Variants in CAMTA1 observed in about 807,000 individuals in gnomAD.
The protein encoded by CAMTA1 is calmodulin-binding transcription activator 1.
In CAMTA1, 27 loss-of-function variants were observed where a neutral mutation model predicts 170.9. That is an observed-to-expected ratio of 0.16 (90% CI 0.12 to 0.22). The LOEUF is 0.22. CAMTA1 is among the 10% of genes least tolerant of loss of function. CAMTA1 has a pLI of 1.00. For synonymous variants in CAMTA1, 833 were observed against 891.5 expected, an observed-to-expected ratio of 0.93 and a Z score of 1.17; for missense variants, 1,619 against 2,217.2, an observed-to-expected ratio of 0.73 and a Z score of 5.42.
chr1:6,989,247 C>T (rs1256187194), intron 3 of CAMTA1, among the ~76,000 whole-genome samples: 1 of 152,222 alleles, frequency 6.6e-6, no homozygotes, highest in Non-Finnish European at 1.5e-5. Context: ...AGGAGTGCCA[C>T]ACTCGATAAG....
intron 1 of CAMTA1, among the ~76,000 whole-genome samples, chr1:6,808,862 A>G (rs1030932908): frequency 3.3e-5 from 5 of 152,128 alleles, no homozygotes; most frequent in African/African-American, 9.7e-5. Flanking sequence ...TCACACACAC[A>G]TGCAATTTTG....
chr1:6,985,378 G>T (rs902344672), intron 3 of CAMTA1, among the ~76,000 whole-genome samples: 1 of 152,218 alleles, frequency 6.6e-6, no homozygotes, highest in African/African-American at 2.4e-5. Flanking sequence ...AAGAGGCAAT[G>T]TGCTGCCATT....
intron 6 of CAMTA1, among the ~76,000 whole-genome samples, chr1:7,479,536 C>T (rs1035949437): frequency 6.6e-6 from 1 of 152,178 alleles, no homozygotes. Flanking sequence ...GCTGTCCTCT[C>T]ACTCCACCTG....
At chr1:7,690,588 G>A (rs575059873) in intron 11 of CAMTA1, among the ~76,000 whole-genome samples, 16 of 152,226 alleles carry the variant, frequency 1.1e-4, no homozygotes, top group African/African-American at 3.6e-4. Flanking sequence ...CACCAGGATT[G>A]TTTCTTTCAG....
rs568705104 is a variant in CAMTA1 at position 7,426,476 on chromosome 1, C to T, written c.439-41354C>T. Among the ~76,000 whole-genome samples the T allele has an allele frequency of 6.6e-6, 1 of 152,202 alleles. No homozygotes were observed. Among genetic ancestry groups the T allele is most frequent in the East Asian group, 1.9e-4 (1 of 5,188 alleles). On this transcript the variant is annotated intron_variant, in intron 5 of 22. Coordinates refer to ENST00000303635, the MANE Select transcript of CAMTA1 (RefSeq NM_015215.4). This position sits in a 1 kb window ranked among gnomAD's most constrained non-coding sequence, Gnocchi z 4.8. ...TTAATACTAAATAACTGCATCGATT[C>T]GATTGATACTACTTGTTAGATCAAG...
intron 6 of CAMTA1, among the ~76,000 whole-genome samples, chr1:7,506,519 A>G (rs1055028707): frequency 6.6e-6 from 1 of 151,972 alleles, no homozygotes; most frequent in South Asian, 2.1e-4. Context: ...AATTCACACT[A>G]ACATCTCATA....
chr1:7,641,093 C>T lies in CAMTA1; in HGVS notation c.664+540C>T, dbSNP rs960596962. 1.3e-5 allele frequency among the ~76,000 whole-genome samples: 2 copies of T among 152,194 alleles called. No individual in the cohort carries two copies. The highest frequency in any genetic ancestry group is 2.9e-5 in the Non-Finnish European group (2 of 68,024). ...TGCTTTCTGAAGCATCTGTCAGGTG[C>T]AAATCACAGAATGCAAAACACCGAG... is the stretch of plus-strand genomic sequence containing the variant. On this transcript the variant is annotated intron_variant, in intron 7 of 22. Coordinates refer to ENST00000303635, the MANE Select transcript of CAMTA1 (RefSeq NM_015215.4). This position sits in a 1 kb window ranked among gnomAD's most constrained non-coding sequence, Gnocchi z 4.5.
intron 5 of CAMTA1, among the ~76,000 whole-genome samples, chr1:7,441,736 G>A (rs1213742639): frequency 6.6e-6 from 1 of 152,136 alleles, no homozygotes; most frequent in East Asian, 1.9e-4. Context: ...CTGCCAAAGG[G>A]GACGGCTGGC....
At chr1:6,938,490 T>C (rs538840486) in intron 3 of CAMTA1, among the ~76,000 whole-genome samples, 2 of 152,218 alleles carry the variant, frequency 1.3e-5, no homozygotes, top group Admixed American at 1.3e-4. Context: ...AGGGGAGGGA[T>C]GCGTCTGGGG....
intron 5 of CAMTA1, among the ~76,000 whole-genome samples, chr1:7,428,376 C>T (rs2091976328): frequency 1.3e-5 from 2 of 152,004 alleles, no homozygotes; most frequent in African/African-American, 2.4e-5. Flanking sequence ...GGTGGGGGCT[C>T]TGAAGGAAGG....
intron 6 of CAMTA1, among the ~76,000 whole-genome samples, chr1:7,512,438 G>A (rs953809789): frequency 6.6e-6 from 1 of 152,216 alleles, no homozygotes; most frequent in South Asian, 2.1e-4. Context: ...AACACTGCTC[G>A]GTAACAAACA....
intron 3 of CAMTA1, among the ~76,000 whole-genome samples, chr1:6,854,726 A>G (rs35235175): frequency 0.066 from 10,063 of 152,308 alleles, 380 homozygotes; most frequent in Middle Eastern, 0.099. Flanking sequence ...ATTGATCAGT[A>G]TAAATCACTA....
chr1:7,164,509 A>T (rs1200400423), intron 4 of CAMTA1, among the ~76,000 whole-genome samples: 1 of 152,186 alleles, frequency 6.6e-6, no homozygotes, highest in African/African-American at 2.4e-5. Flanking sequence ...CTTTATTCCA[A>T]AGCTGTGGCA....
rs547455142 is a variant in CAMTA1, at chr1:7,167,741, G to GTTAA, written c.302+76389_302+76392dup. 3.4e-3 allele frequency among the ~76,000 whole-genome samples: 518 copies of GTTAA among 151,906 alleles called. 2 individuals are homozygous for GTTAA. Among genetic ancestry groups the GTTAA allele is most frequent in the African/African-American group, 0.011 (463 of 41,404 alleles). On this transcript the variant is annotated intron_variant, in intron 4 of 22. Coordinates refer to ENST00000303635, the MANE Select transcript of CAMTA1 (RefSeq NM_015215.4). The stretch of plus-strand genomic sequence containing the variant: ...TGAGTCTTCTTTTTTAAATTAATTG[G>GTTAA]TTAATTAATTAATTAATTAATTTTA...
chr1:7,564,945 G>A (rs1389659259), intron 6 of CAMTA1, among the ~76,000 whole-genome samples: 1 of 151,924 alleles, frequency 6.6e-6, no homozygotes, highest in Non-Finnish European at 1.5e-5. Flanking sequence ...GAGAAGGAGA[G>A]AGAGAAGCAA....
At chr1:7,490,631 G>C (rs997317536) in intron 6 of CAMTA1, among the ~76,000 whole-genome samples, 1 of 148,930 alleles carries the variant, frequency 6.7e-6, no homozygotes, top group Non-Finnish European at 1.5e-5. Flanking sequence ...CAGCCTGGGT[G>C]ACGAGAGCGA....
At chr1:7,055,998 C>G (rs1037002152) in intron 3 of CAMTA1, among the ~76,000 whole-genome samples, 1 of 152,224 alleles carries the variant, frequency 6.6e-6, no homozygotes, top group African/African-American at 2.4e-5. Context: ...TCACCTGCCC[C>G]TTCCTCTGCA....
Position 7,048,055 on chromosome 1 carries a change from G to A in CAMTA1, c.235-43249G>A, listed in dbSNP as rs1379889310. Among the ~76,000 whole-genome samples, 3 of 152,172 alleles carry A rather than the reference G, an allele frequency of 2.0e-5. 1 individual carries two copies. The South Asian group carries it at 6.2e-4, about 31-fold the overall frequency. On this transcript the variant is annotated intron_variant, in intron 3 of 22. Coordinates refer to ENST00000303635, the MANE Select transcript of CAMTA1 (RefSeq NM_015215.4). ...CTGAGTCATTCTGAGAGCAGAGGAA[G>A]CCCTTGGTCATAATGGTGCAGCCTG...
At chr1:7,235,417 G>A (rs557024499) in intron 4 of CAMTA1, among the ~76,000 whole-genome samples, 28 of 152,252 alleles carry the variant, frequency 1.8e-4, no homozygotes, top group South Asian at 1.0e-3. Flanking sequence ...TTGAGGCCAG[G>A]AGTTTGAAAC....
Sources: allele counts gnomAD v4.1 joint callset (sites outside exome capture counted in the v4.1 genomes callset), GRCh38; gene constraint gnomAD v4.1.1; non-coding constraint Gnocchi (gnomAD v3.1); transcripts MANE v1.5; gene names NCBI Gene and HGNC (gene_info 2026-07-23, HGNC 2026-07-21).